Variants in DLGAP2 observed in about 807,000 individuals in gnomAD.
The protein encoded by DLGAP2 is DLG associated protein 2, also known as disks large-associated protein 2.
Under a neutral mutation model 100.3 loss-of-function variants are expected in DLGAP2, and 26 were observed. The observed-to-expected ratio is 0.26, with a 90% confidence interval of 0.19 to 0.36. The LOEUF (loss-of-function observed/expected upper bound fraction) is 0.36, where lower values mean the gene tolerates loss of function less well. Among genes scored for constraint, DLGAP2 ranks in the 10% least tolerant of loss-of-function variants. DLGAP2 has a pLI of 1.00. For missense variants in DLGAP2, 1,858 were observed against 1,453.2 expected (o/e 1.28, Z -4.53); for synonymous variants, 886 against 630.1 (o/e 1.41, Z -6.08).
intron 2 of DLGAP2, among the ~76,000 whole-genome samples, chr8:1,167,878 G>C (rs1315151141): frequency 6.8e-6 from 1 of 146,664 alleles, no homozygotes; most frequent in Non-Finnish European, 1.5e-5. Flanking sequence ...TACTTAACCT[G>C]AGTCCATTTT....
intron 2 of DLGAP2, among the ~76,000 whole-genome samples, chr8:967,258 T>C (rs1334199471): frequency 6.6e-6 from 1 of 152,220 alleles, no homozygotes; most frequent in East Asian, 1.9e-4. Context: ...TAGTTTTTCC[T>C]AAAGTTTGTT....
intron 1 of DLGAP2, among the ~76,000 whole-genome samples, chr8:760,852 T>G (rs1484542695): frequency 6.6e-6 from 1 of 152,190 alleles, no homozygotes; most frequent in Non-Finnish European, 1.5e-5. Flanking sequence ...GGGTTTGCTC[T>G]TCTCCTCAGG....
intron 2 of DLGAP2, among the ~76,000 whole-genome samples, chr8:958,732 T>A (rs1396064425): frequency 6.6e-6 from 1 of 152,102 alleles, no homozygotes; most frequent in African/African-American, 2.4e-5. Context: ...TTAGAAGAGT[T>A]TCAGTAGTTT....
At position 1,021,974 on chromosome 8, in the gene DLGAP2, T is replaced by C. The variant is rs149770113; in HGVS notation, c.73+114008T>C. 3.1e-3 allele frequency among the ~76,000 whole-genome samples: 466 copies of C among 152,292 alleles called. 4 individuals are homozygous for C. Among genetic ancestry groups the C allele is most frequent in the African/African-American group, 0.011 (445 of 41,548 alleles). On this transcript the variant is annotated intron_variant, in intron 2 of 14. Transcript: ENST00000637795. Reference sequence around the variant, plus strand: ...AGTATTAGGAAAGGGCCTGAGACCATCATGGCCAAGTTGCATGTGCGAAAG... The same window carrying C: ...AGTATTAGGAAAGGGCCTGAGACCACCATGGCCAAGTTGCATGTGCGAAAG...
At chr8:1,455,321 G>A (rs1036156321) in intron 3 of DLGAP2, among the ~76,000 whole-genome samples, 4 of 152,250 alleles carry the variant, frequency 2.6e-5, no homozygotes, top group African/African-American at 7.2e-5. Flanking sequence ...CTGCCTGCCT[G>A]CAGGTGGGGT....
In DLGAP2 at chr8:1,360,084, G is replaced by T. The variant is rs532442705; in HGVS notation, c.106+101201G>T. Among the ~76,000 whole-genome samples, 4 of 152,170 alleles carry T rather than the reference G, an allele frequency of 2.6e-5. No homozygotes were observed. The East Asian group carries it at 5.9e-4, about 22-fold the overall frequency. On this transcript the variant is annotated intron_variant, in intron 3 of 14. Coordinates refer to ENST00000637795, the MANE Select transcript of DLGAP2 (RefSeq NM_001346810.2). ...TCCCCGTCCACTGAGGAAATCCACC[G>T]AAGCCCTTTGTGTGGGGTTCGGAGG...
intron 2 of DLGAP2, among the ~76,000 whole-genome samples, chr8:1,255,036 C>T (rs1455020887): frequency 1.5e-5 from 1 of 64,736 alleles, no homozygotes. Context: ...CTTCTCCTGC[C>T]CAGCCGCTGT....
intron 3 of DLGAP2, among the ~76,000 whole-genome samples, chr8:1,498,783 C>A (rs1799621921): frequency 6.6e-6 from 1 of 152,184 alleles, no homozygotes; most frequent in Admixed American, 6.5e-5. Flanking sequence ...AGGAAGAGAA[C>A]CTCCAAGAAG....
At chr8:1,559,862 G>C (rs1802100661) in intron 5 of DLGAP2, among the ~76,000 whole-genome samples, 1 of 152,270 alleles carries the variant, frequency 6.6e-6, no homozygotes, top group East Asian at 1.9e-4. Flanking sequence ...GCCTCTGCCT[G>C]CACCTTCTGC....
chr8:835,115 G>T (rs180818379), intron 1 of DLGAP2, among the ~76,000 whole-genome samples: 1 of 152,256 alleles, frequency 6.6e-6, no homozygotes, highest in African/African-American at 2.4e-5. Flanking sequence ...GTTTGTGGAG[G>T]GGGGGCTGCT....
In DLGAP2 at chr8:1,332,866, C is replaced by T. The variant is rs529724851; in HGVS notation, c.106+73983C>T. On this transcript the variant is annotated intron_variant, in intron 3 of 14. Coordinates refer to ENST00000637795, the MANE Select transcript of DLGAP2 (RefSeq NM_001346810.2). ...TACGTGGGCTTCTTGCTGGGTGCAG[C>T]AGACACGTGTGTTGAAAGCTCTGGG... Among the ~76,000 whole-genome samples the T allele has an allele frequency of 4.6e-5, 7 of 152,294 alleles. No homozygotes were observed. The East Asian group carries it at 1.4e-3, about 30-fold the overall frequency.
At chr8:1,116,763 T>C (rs896475297) in intron 2 of DLGAP2, among the ~76,000 whole-genome samples, 2 of 151,800 alleles carry the variant, frequency 1.3e-5, no homozygotes, top group African/African-American at 4.8e-5. Context: ...ATTGTGCCAC[T>C]GCACTCCAGC....
intron 2 of DLGAP2, among the ~76,000 whole-genome samples, chr8:1,242,993 A>C (rs1033488607): frequency 2.2e-4 from 33 of 152,138 alleles, no homozygotes; most frequent in African/African-American, 7.7e-4. Flanking sequence ...CACCCCAAGC[A>C]TCGTCTTCTC....
intron 3 of DLGAP2, among the ~76,000 whole-genome samples, chr8:1,298,496 T>A (rs1283321281): frequency 3.9e-5 from 6 of 152,228 alleles, no homozygotes; most frequent in African/African-American, 1.2e-4. Flanking sequence ...CTGAGTGTGC[T>A]CCTCTGGCCC....
chr8:1,634,435 C>T (rs1009600051), intron 8 of DLGAP2, among the ~76,000 whole-genome samples: 2 of 152,134 alleles, frequency 1.3e-5, no homozygotes. Flanking sequence ...ACAACACATC[C>T]CCCAGGTGCA....
At chr8:1,310,020 C>A (rs529979213) in intron 3 of DLGAP2, among the ~76,000 whole-genome samples, 1 of 143,264 alleles carries the variant, frequency 7.0e-6, no homozygotes, top group African/African-American at 2.7e-5. Flanking sequence ...ATTTGAACCA[C>A]TGTATACCAG....
chr8:1,514,278 G>T lies in DLGAP2; in HGVS notation c.172+12847G>T, dbSNP rs757881. 3.7e-3 allele frequency among the ~76,000 whole-genome samples: 559 copies of T among 152,178 alleles called. 2 individuals carry two copies. Among genetic ancestry groups the T allele is most frequent in the African/African-American group, 0.013 (524 of 41,516 alleles). ...ATGCAACTCTCATTTTTTCTTATGC[G>T]ACTATTCCCAGAAGGCTTCCCGCAT... On this transcript the variant is annotated intron_variant, in intron 4 of 14. Transcript: ENST00000637795.
intron 3 of DLGAP2, among the ~76,000 whole-genome samples, chr8:1,287,646 G>A (rs1474128419): frequency 1.5e-5 from 2 of 137,702 alleles, no homozygotes; most frequent in Non-Finnish European, 3.1e-5. Flanking sequence ...GTGTGTGTGT[G>A]TGTGTGTGTG....
chr8:976,333 C>T (rs913298443), intron 2 of DLGAP2, among the ~76,000 whole-genome samples: 3 of 151,854 alleles, frequency 2.0e-5, no homozygotes, highest in African/African-American at 7.3e-5. Context: ...CAGTGCAGGC[C>T]GGGCGTGATG....
Sources: gnomAD v4.1 joint callset for allele counts (sites outside exome capture counted in the v4.1 genomes callset) on GRCh38, gnomAD v4.1.1 for gene constraint, MANE v1.5 for transcripts, NCBI Gene and HGNC (gene_info 2026-07-23, HGNC 2026-07-21) for gene names.